Variants in SLC35F3 observed in about 807,000 individuals in gnomAD.
The protein encoded by SLC35F3 is solute carrier family 35 member F3.
Under a neutral mutation model 49.9 loss-of-function variants are expected in SLC35F3, and 25 were observed. The ratio of observed to expected loss-of-function variants is 0.50; its 90% CI spans 0.37 to 0.70. The LOEUF is 0.70. Ranked by LOEUF, SLC35F3 falls within the 30% of genes least tolerant of loss-of-function variation. The pLI is 0.00. For missense variants in SLC35F3, 525 were observed against 639.8 expected, an observed-to-expected ratio of 0.82 and a Z score of 1.94; for synonymous variants, 275 against 265.4, an observed-to-expected ratio of 1.04 and a Z score of -0.35.
chr1:234,134,487 A>T (rs1317795417), intron 2 of SLC35F3, among the ~76,000 whole-genome samples: 1 of 148,642 alleles, frequency 6.7e-6, no homozygotes, highest in Non-Finnish European at 1.5e-5. Flanking sequence ...AATATAGATT[A>T]TATTTGTATA....
chr1:234,152,211 C>CATTATTATT (rs143679645), intron 2 of SLC35F3, among the ~76,000 whole-genome samples: 1 of 142,626 alleles, frequency 7.0e-6, no homozygotes, highest in African/African-American at 2.8e-5. Flanking sequence ...AATGGAGTAA[C>CATTATTATT]ATTATTATTA....
intron 3 of SLC35F3, among the ~76,000 whole-genome samples, chr1:234,296,942 T>C (rs1252994658): frequency 2.0e-5 from 3 of 152,198 alleles, no homozygotes; most frequent in African/African-American, 7.2e-5. Context: ...TAATGAAACA[T>C]TTGCCTACAG....
intron 2 of SLC35F3, among the ~76,000 whole-genome samples, chr1:234,075,410 A>G (rs1664777562): frequency 6.6e-6 from 1 of 152,256 alleles, no homozygotes; most frequent in Non-Finnish European, 1.5e-5. Flanking sequence ...TAATATATGT[A>G]CAAAAATACG....
At chr1:234,111,572 C>T (rs966962738) in intron 2 of SLC35F3, among the ~76,000 whole-genome samples, 4 of 152,222 alleles carry the variant, frequency 2.6e-5, no homozygotes, top group Admixed American at 1.3e-4. Flanking sequence ...GGATTACAGG[C>T]GTGAGCCGCT....
At chr1:234,221,379 G>A (rs1667201971) in intron 2 of SLC35F3, among the ~76,000 whole-genome samples, 1 of 152,182 alleles carries the variant, frequency 6.6e-6, no homozygotes, top group African/African-American at 2.4e-5. Flanking sequence ...GTGGCCTAGA[G>A]GAGGCAGCAT....
intron 2 of SLC35F3, among the ~76,000 whole-genome samples, chr1:234,030,928 A>C (rs568823654): frequency 3.3e-5 from 5 of 152,346 alleles, no homozygotes; most frequent in African/African-American, 1.2e-4. Flanking sequence ...AGAACAAGGC[A>C]GACTAAATCT....
At chr1:234,241,891 C>A (rs921618785) in intron 3 of SLC35F3, among the ~76,000 whole-genome samples, 2 of 152,070 alleles carry the variant, frequency 1.3e-5, no homozygotes, top group Non-Finnish European at 2.9e-5. Flanking sequence ...AATGATTACC[C>A]GAGTGGTGAT....
chr1:234,097,047 G>C (rs1665135890), intron 2 of SLC35F3, among the ~76,000 whole-genome samples: 1 of 151,990 alleles, frequency 6.6e-6, no homozygotes, highest in African/African-American at 2.4e-5. Flanking sequence ...GCGCCACCAG[G>C]CATGGCTAAT....
intron 2 of SLC35F3, among the ~76,000 whole-genome samples, chr1:234,098,242 T>G (rs575296627): frequency 3.4e-5 from 5 of 145,404 alleles, no homozygotes; most frequent in African/African-American, 1.3e-4. Flanking sequence ...AGGGTGATGA[T>G]GGAGGTGGTG....
At chr1:234,294,797 G>T (rs1421420082) in intron 3 of SLC35F3, among the ~76,000 whole-genome samples, 3 of 152,152 alleles carry the variant, frequency 2.0e-5, no homozygotes, top group East Asian at 1.9e-4. Context: ...GGAAGAGATC[G>T]TGCTCTGCTA....
At chr1:233,908,190 A>G (rs1661807097) in intron 2 of SLC35F3, among the ~76,000 whole-genome samples, 1 of 151,644 alleles carries the variant, frequency 6.6e-6, no homozygotes, top group African/African-American at 2.4e-5. Flanking sequence ...AAAAAAACAA[A>G]ACAAAGACAA....
chr1:234,205,783 CAG>C (rs1666961190), intron 2 of SLC35F3, among the ~76,000 whole-genome samples: 1 of 152,178 alleles, frequency 6.6e-6, no homozygotes, highest in South Asian at 2.1e-4. Context: ...GGAAAGCAAA[CAG>C]AGCAAGGAGG....
intron 4 of SLC35F3, among the ~76,000 whole-genome samples, chr1:234,312,152 T>C (rs1042688201): frequency 1.3e-5 from 2 of 152,172 alleles, no homozygotes; most frequent in Non-Finnish European, 2.9e-5. Flanking sequence ...GGTAGAACCC[T>C]GGGCGCACAC....
chr1:234,301,149 G>C (rs1416337898), intron 3 of SLC35F3, among the ~76,000 whole-genome samples: 1 of 152,114 alleles, frequency 6.6e-6, no homozygotes, highest in African/African-American at 2.4e-5. Flanking sequence ...AAAGTGTCCT[G>C]ATTAAAGAGT....
intron 3 of SLC35F3, among the ~76,000 whole-genome samples, chr1:234,253,683 G>C (rs1295120728): frequency 6.6e-6 from 1 of 152,168 alleles, no homozygotes; most frequent in Non-Finnish European, 1.5e-5. Flanking sequence ...AAGAGCGTCA[G>C]TATGACCATC....
chr1:234,188,783 C>T (rs181521796), intron 2 of SLC35F3, among the ~76,000 whole-genome samples: 4 of 152,182 alleles, frequency 2.6e-5, no homozygotes, highest in Admixed American at 2.6e-4. Flanking sequence ...AATTAAGGAC[C>T]CTCCCAGAGT....
At chr1:234,159,810 G>T (rs1477352241) in intron 2 of SLC35F3, among the ~76,000 whole-genome samples, 1 of 152,022 alleles carries the variant, frequency 6.6e-6, no homozygotes, top group African/African-American at 2.4e-5. Context: ...TACCCTCATG[G>T]TCTAGGTGGG....
chr1:234,069,229 T>C (rs999739875), intron 2 of SLC35F3, among the ~76,000 whole-genome samples: 2 of 138,440 alleles, frequency 1.4e-5, no homozygotes, highest in African/African-American at 2.7e-5. Context: ...TATATAATTT[T>C]ATATAAAAAT....
chr1:234,211,383 G>C (rs1667044403), intron 2 of SLC35F3, among the ~76,000 whole-genome samples: 1 of 152,196 alleles, frequency 6.6e-6, no homozygotes, highest in African/African-American at 2.4e-5. Context: ...TCCACAGACA[G>C]CTTGCACTCT....
Sources: gnomAD v4.1 joint callset for allele counts (sites outside exome capture counted in the v4.1 genomes callset) on GRCh38, gnomAD v4.1.1 for gene constraint, MANE v1.5 for transcripts, NCBI Gene and HGNC (gene_info 2026-07-23, HGNC 2026-07-21) for gene names.